UNC5D: variants seen among roughly 807,000 people sequenced by gnomAD.
UNC5D encodes the protein netrin receptor UNC5D.
UNC5D carries 39 observed loss-of-function variants against 105.4 expected under a neutral mutation model. The observed-to-expected ratio is 0.37, with a 90% CI of 0.29 to 0.48. UNC5D has a LOEUF of 0.48. Ranked by LOEUF, UNC5D falls within the 20% of genes least tolerant of loss-of-function variation. The probability of loss-of-function intolerance (pLI) is 0.98; values close to 1 mark genes in which losing one functional copy is unlikely to be tolerated. For synonymous variants in UNC5D, 452 were observed against 450.4 expected (o/e 1.00, Z -0.04); for missense variants, 991 against 1,202.4 (o/e 0.82, Z 2.60).
intron 1 of UNC5D, among the ~76,000 whole-genome samples, chr8:35,485,971 T>G (rs1393954095): frequency 1.3e-5 from 2 of 152,196 alleles, no homozygotes; most frequent in Non-Finnish European, 1.5e-5. Flanking sequence ...TTTGCTTTTC[T>G]GCAGCTTGCG....
chr8:35,370,914 T>G (rs1035646654), intron 1 of UNC5D, among the ~76,000 whole-genome samples: 2 of 152,196 alleles, frequency 1.3e-5, no homozygotes, highest in Admixed American at 1.3e-4. Context: ...ACAAATTTAT[T>G]TTTAATTTGT....
At chr8:35,389,779 C>T (rs4521753) in intron 1 of UNC5D, among the ~76,000 whole-genome samples, 42,053 of 146,224 alleles carry the variant, frequency 0.29, 6,717 homozygotes, top group East Asian at 0.64. Flanking sequence ...GCAATATGTA[C>T]AAGCAATGGG....
chr8:35,485,042 A>G (rs1810737527), intron 1 of UNC5D, among the ~76,000 whole-genome samples: 1 of 152,204 alleles, frequency 6.6e-6, no homozygotes, highest in African/African-American at 2.4e-5. Flanking sequence ...GATGTATGGT[A>G]GCAACACTCT....
intron 1 of UNC5D, among the ~76,000 whole-genome samples, chr8:35,455,812 C>T (rs1253535191): frequency 2.0e-5 from 3 of 152,090 alleles, no homozygotes; most frequent in South Asian, 4.2e-4. Flanking sequence ...TGAAAGGCGA[C>T]CATCAGATCT....
intron 9 of UNC5D, among the ~76,000 whole-genome samples, chr8:35,722,816 G>A (rs1364870166): frequency 1.3e-5 from 2 of 151,838 alleles, no homozygotes; most frequent in Non-Finnish European, 2.9e-5. Context: ...ATGAAGTGGA[G>A]TAATTTTGTT....
At chr8:35,284,803 C>A (rs1445032668) in intron 1 of UNC5D, among the ~76,000 whole-genome samples, 1 of 152,070 alleles carries the variant, frequency 6.6e-6, no homozygotes, top group Non-Finnish European at 1.5e-5. Context: ...ACCTCGTGAC[C>A]CGCCTGCCTC....
At chr8:35,466,349 CT>C (rs1294178893) in intron 1 of UNC5D, among the ~76,000 whole-genome samples, 1 of 152,132 alleles carries the variant, frequency 6.6e-6, no homozygotes, top group Admixed American at 6.6e-5. Context: ...TGTATCAGCA[CT>C]TTTTTTCTTA....
chr8:35,789,326 G>A (rs1195561614), intron 16 of UNC5D, among the ~76,000 whole-genome samples: 3 of 150,228 alleles, frequency 2.0e-5, no homozygotes, highest in South Asian at 2.1e-4. Context: ...GAGTATATTC[G>A]AGTTTTGAAA....
chr8:35,727,375 A>G (rs1474734703), intron 10 of UNC5D: 1 of 152,206 alleles, frequency 6.6e-6, no homozygotes, highest in Admixed American at 6.5e-5. Context: ...TTATCAAACA[A>G]CAGGTCAGCA....
At chr8:35,474,995 A>T (rs1809985550) in intron 1 of UNC5D, among the ~76,000 whole-genome samples, 1 of 152,246 alleles carries the variant, frequency 6.6e-6, no homozygotes, top group South Asian at 2.1e-4. Context: ...GTACATTGTG[A>T]AAAGGAAATG....
intron 1 of UNC5D, 118 bp from the exon 2 acceptor site, chr8:35,549,174 T>G: frequency 1.0e-6 from 1 of 955,658 alleles, no homozygotes. Flanking sequence ...CATGCTTTAT[T>G]AATAAAGCGA....
At chr8:35,731,428 A>AC (rs1829190621) in intron 11 of UNC5D, among the ~76,000 whole-genome samples, 1 of 149,918 alleles carries the variant, frequency 6.7e-6, no homozygotes, top group Non-Finnish European at 1.5e-5. Flanking sequence ...AAAAAAAAAA[A>AC]AGGGCATTTT....
intron 16 of UNC5D, among the ~76,000 whole-genome samples, chr8:35,789,533 TAGA>T (rs1586650954): frequency 6.6e-6 from 1 of 152,008 alleles, no homozygotes; most frequent in Admixed American, 6.6e-5. Context: ...TTGTTCTAGT[TAGA>T]AGAAGGACCA....
At chr8:35,388,969 C>A in intron 1 of UNC5D, among the ~76,000 whole-genome samples, 1 of 152,020 alleles carries the variant, frequency 6.6e-6, no homozygotes, top group East Asian at 1.9e-4. Flanking sequence ...GCATTTTTTT[C>A]AATGTTCATT....
intron 1 of UNC5D, among the ~76,000 whole-genome samples, chr8:35,290,419 T>A (rs983842955): frequency 1.3e-5 from 2 of 151,840 alleles, no homozygotes; most frequent in African/African-American, 2.4e-5. Flanking sequence ...ACTGTATGAT[T>A]GTACTTTGAA....
At chr8:35,513,385 T>G (rs1812896313) in intron 1 of UNC5D, among the ~76,000 whole-genome samples, 1 of 152,052 alleles carries the variant, frequency 6.6e-6, no homozygotes, top group Non-Finnish European at 1.5e-5. Context: ...CGTGCCACCA[T>G]GCCTGGCTGA....
intron 14 of UNC5D, among the ~76,000 whole-genome samples, chr8:35,763,568 G>T (rs1400232346): frequency 6.6e-6 from 1 of 151,354 alleles, no homozygotes; most frequent in Non-Finnish European, 1.5e-5. Flanking sequence ...TGAAGTCCAA[G>T]TGCTTGCATT....
At chr8:35,358,073 G>T (rs2128915449) in intron 1 of UNC5D, among the ~76,000 whole-genome samples, 1 of 152,144 alleles carries the variant, frequency 6.6e-6, no homozygotes, top group South Asian at 2.1e-4. Context: ...CCAGATCTTT[G>T]CTTACTATCT....
At chr8:35,652,509 T>C (rs1823480050) in intron 4 of UNC5D, among the ~76,000 whole-genome samples, 1 of 152,182 alleles carries the variant, frequency 6.6e-6, no homozygotes, top group Non-Finnish European at 1.5e-5. Flanking sequence ...ATAATTTATA[T>C]TAGCATGAGT....
Sources: gnomAD v4.1 joint callset for allele counts (sites outside exome capture counted in the v4.1 genomes callset) on GRCh38, gnomAD v4.1.1 for gene constraint, MANE v1.5 for transcripts, NCBI Gene and HGNC (gene_info 2026-07-23, HGNC 2026-07-21) for gene names.